MAPRE2: variants seen among roughly 807,000 people sequenced by gnomAD.
MAPRE2 encodes microtubule-associated protein RP/EB family member 2.
In MAPRE2, 13 loss-of-function variants were observed where a neutral mutation model predicts 43.2. The ratio of observed to expected loss-of-function variants is 0.30; its 90% confidence interval spans 0.20 to 0.48. MAPRE2 has a LOEUF of 0.48. Among genes scored for constraint, MAPRE2 ranks in the 20% least tolerant of loss-of-function variants. The pLI, the probability that MAPRE2 is intolerant of heterozygous loss-of-function variation, is 0.99. For missense variants in MAPRE2, 161 were observed against 400.2 expected (o/e 0.40, Z 5.10); for synonymous variants, 135 against 148.8 (o/e 0.91, Z 0.68).
intron 5 of MAPRE2, among the ~76,000 whole-genome samples, chr18:35,128,312 G>A (rs1177217297): frequency 6.6e-6 from 1 of 152,168 alleles, no homozygotes; most frequent in African/African-American, 2.4e-5. Flanking sequence ...AGGCAGTAAG[G>A]ACAGTCATAA....
At chr18:35,042,182 T>A (rs1905402297) in intron 1 of MAPRE2, among the ~76,000 whole-genome samples, 1 of 152,196 alleles carries the variant, frequency 6.6e-6, no homozygotes, top group Non-Finnish European at 1.5e-5. Flanking sequence ...CGCTGATTGG[T>A]GCAGGGATTG....
intron 1 of MAPRE2, among the ~76,000 whole-genome samples, chr18:35,005,079 T>G (rs1295563439): frequency 6.6e-6 from 1 of 152,130 alleles, no homozygotes; most frequent in Admixed American, 6.6e-5. Context: ...TAAACCTAAG[T>G]TTGGGGAATT....
chr18:34,989,564 A>C (rs1442849147), intron 1 of MAPRE2, among the ~76,000 whole-genome samples: 4 of 152,124 alleles, frequency 2.6e-5, no homozygotes, highest in Admixed American at 2.0e-4. Context: ...TTTTGAAAAA[A>C]TTGCCAGGCA....
intron 4 of MAPRE2, among the ~76,000 whole-genome samples, chr18:35,102,707 G>A (rs1310787079): frequency 6.6e-6 from 1 of 151,952 alleles, no homozygotes; most frequent in Admixed American, 6.6e-5. Context: ...AAAAATATCT[G>A]GAACATTAAA....
At chr18:35,071,065 G>A (rs1489872494) in intron 2 of MAPRE2, among the ~76,000 whole-genome samples, 2 of 152,230 alleles carry the variant, frequency 1.3e-5, no homozygotes, top group African/African-American at 4.8e-5. Flanking sequence ...GGTGCTGAGA[G>A]TCCTTGAGGA....
chr18:34,990,856 A>G (rs762777073), intron 1 of MAPRE2, among the ~76,000 whole-genome samples: 24 of 152,204 alleles, frequency 1.6e-4, no homozygotes, highest in Non-Finnish European at 2.8e-4. Context: ...CTCCATCTCT[A>G]TAAAAAGAAA....
In MAPRE2 at chr18:35,045,977, A is replaced by G. The variant is rs1905603859; in HGVS notation, c.122+4316A>G. Among the ~76,000 whole-genome samples the G allele has an allele frequency of 2.0e-5, 3 of 152,038 alleles. No individual in the cohort carries two copies. In the South Asian group the frequency reaches 6.2e-4, roughly 31 times the overall value. On this transcript the variant is annotated intron_variant, in intron 1 of 6. Coordinates refer to ENST00000300249, the MANE Select transcript of MAPRE2 (RefSeq NM_014268.4). ...TTCCGGGTGCTCTTGCTTTGGGGAG[A>G]GGCTCACTCCTGCTCTGTAGCTGGT...
intron 1 of MAPRE2, among the ~76,000 whole-genome samples, chr18:35,058,559 G>A (rs751569742): frequency 6.6e-5 from 10 of 152,110 alleles, no homozygotes; most frequent in Non-Finnish European, 1.5e-4. Flanking sequence ...TGAGAGGCTT[G>A]AACCTCAAAT....
intron 1 of MAPRE2, among the ~76,000 whole-genome samples, chr18:35,048,412 CTA>C (rs1160881455): frequency 4.0e-5 from 6 of 151,568 alleles, no homozygotes; most frequent in Non-Finnish European, 8.8e-5. Flanking sequence ...AACACATATA[CTA>C]TATATGTGTG....
chr18:34,977,717 G>C (rs981179), intron 1 of MAPRE2, among the ~76,000 whole-genome samples: 2 of 152,060 alleles, frequency 1.3e-5, no homozygotes, highest in South Asian at 4.1e-4. Context: ...AAAAGGAAGC[G>C]GGTTGTTATT....
At chr18:35,055,099 A>G (rs1458659904) in intron 1 of MAPRE2, among the ~76,000 whole-genome samples, 1 of 152,254 alleles carries the variant, frequency 6.6e-6, no homozygotes, top group Non-Finnish European at 1.5e-5. Flanking sequence ...CAAGATGATT[A>G]TTACAAACGT....
intron 4 of MAPRE2, among the ~76,000 whole-genome samples, chr18:35,116,350 C>T (rs1024682841): frequency 1.3e-5 from 2 of 152,136 alleles, no homozygotes; most frequent in Non-Finnish European, 2.9e-5. Context: ...AAGCGGGGCT[C>T]TTCTTATTGC....
At chr18:34,995,561 A>G (rs1212730874) in intron 1 of MAPRE2, among the ~76,000 whole-genome samples, 1 of 152,204 alleles carries the variant, frequency 6.6e-6, no homozygotes, top group East Asian at 1.9e-4. Flanking sequence ...AAAGGGGAGA[A>G]CTTCCCTAAG....
chr18:35,095,243 G>A (rs928517979), intron 2 of MAPRE2, among the ~76,000 whole-genome samples: 1 of 152,056 alleles, frequency 6.6e-6, no homozygotes, highest in Non-Finnish European at 1.5e-5. Flanking sequence ...TAAAAATATT[G>A]ATAGAGCATA....
Position 34,991,391 on chromosome 18 carries a change from T to A in MAPRE2, c.-69-14101T>A, listed in dbSNP as rs557659190. ...ACCGAGTAGAGCTTTGGAACCAAGT[T>A]GTGCTCAGAAACAAGAAACGTCTGT... is the stretch of plus-strand genomic sequence containing the variant. On this transcript the variant is annotated intron_variant, in intron 1 of 7. Transcript: ENST00000413393. 1.2e-4 allele frequency among the ~76,000 whole-genome samples: 18 copies of A among 152,176 alleles called. 1 individual carries two copies. The highest frequency in any genetic ancestry group is 8.8e-5 in the Non-Finnish European group (6 of 68,028).
rs562172522 is a variant in MAPRE2 at position 35,139,492 on chromosome 18, A to T, written c.910-803A>T. Among the ~76,000 whole-genome samples the T allele has an allele frequency of 1.2e-3, 188 of 152,358 alleles. 2 individuals carry two copies. Among genetic ancestry groups the T allele is most frequent in the African/African-American group, 4.4e-3 (185 of 41,582 alleles). On this transcript the variant is annotated intron_variant, in intron 6 of 6. Transcript: ENST00000300249. ...CATGCCATGCTTCACTGGGTTAGATAAAGGAATAAATAGGGCTGTTTATTT... is the reference window on the plus strand; with the variant it reads ...CATGCCATGCTTCACTGGGTTAGATTAAGGAATAAATAGGGCTGTTTATTT...
At chr18:35,065,297 CAAA>C (rs1198027220) in intron 1 of MAPRE2, among the ~76,000 whole-genome samples, 1 of 84,642 alleles carries the variant, frequency 1.2e-5, no homozygotes, top group African/African-American at 4.5e-5. Flanking sequence ...GACTCTGTCT[CAAA>C]AAAAAAAAAA....
chr18:34,992,870 C>T, intron 1 of MAPRE2, among the ~76,000 whole-genome samples: 1 of 152,294 alleles, frequency 6.6e-6, no homozygotes, highest in East Asian at 1.9e-4. Context: ...TTCCTGAGCT[C>T]ACGTTTCCCT....
intron 2 of MAPRE2, among the ~76,000 whole-genome samples, chr18:35,079,774 A>G (rs1907544567): frequency 6.6e-6 from 1 of 152,252 alleles, no homozygotes. Context: ...TGTTGGAAAC[A>G]GGAAAGCTTC....
Sources: allele counts gnomAD v4.1 joint callset (sites outside exome capture counted in the v4.1 genomes callset), GRCh38; gene constraint gnomAD v4.1.1; transcripts MANE v1.5; gene names NCBI Gene and HGNC (gene_info 2026-07-23, HGNC 2026-07-21).